TLN2: variants seen among roughly 807,000 people sequenced by gnomAD.
TLN2 encodes the protein talin 2.
A neutral mutation model predicts 294.7 loss-of-function variants in TLN2; 118 were observed. The observed-to-expected ratio is 0.40, with a 90% CI of 0.34 to 0.47. TLN2 has a LOEUF of 0.47. Ranked by LOEUF, TLN2 falls within the 20% of genes least tolerant of loss-of-function variation. The probability of loss-of-function intolerance (pLI) is 0.84; values close to 1 mark genes in which losing one functional copy is unlikely to be tolerated. For missense variants in TLN2, 3,083 were observed against 3,282.2 expected (o/e 0.94, Z 1.48); for synonymous variants, 1,431 against 1,304.5 (o/e 1.10, Z -2.09).
intron 37 of TLN2, among the ~76,000 whole-genome samples, chr15:62,757,855 A>G (rs12912040): frequency 0.74 from 112,968 of 152,034 alleles, 42,573 homozygotes; most frequent in Admixed American, 0.83. Flanking sequence ...AATTCCCATC[A>G]TGTGGCAGGG....
At chr15:62,409,355 C>A (rs2140250471) in intron 1 of TLN2, among the ~76,000 whole-genome samples, 1 of 152,226 alleles carries the variant, frequency 6.6e-6, no homozygotes, top group East Asian at 1.9e-4. Context: ...CTGCTTTTTA[C>A]CAGAAGCCAG....
At chr15:62,621,033 G>A (rs2048777554) in intron 3 of TLN2, among the ~76,000 whole-genome samples, 1 of 150,792 alleles carries the variant, frequency 6.6e-6, no homozygotes, top group Non-Finnish European at 1.5e-5. Context: ...TAGAGACGGG[G>A]TTTCACCATG....
intron 21 of TLN2, 138 bp from the exon 22 acceptor site, chr15:62,711,773 T>C: frequency 1.1e-6 from 1 of 921,260 alleles, no homozygotes; most frequent in Non-Finnish European, 1.5e-6. Flanking sequence ...GATGCATGGC[T>C]TAGGACTAGA....
chr15:62,725,927 C>G (rs2060415590), intron 27 of TLN2, among the ~76,000 whole-genome samples: 1 of 152,146 alleles, frequency 6.6e-6, no homozygotes, highest in African/African-American at 2.4e-5. Flanking sequence ...AGAACAATGC[C>G]TGGTACATAG....
chr15:62,812,553 TA>T (rs1483366246), intron 52 of TLN2, among the ~76,000 whole-genome samples: 1 of 152,164 alleles, frequency 6.6e-6, no homozygotes, highest in Non-Finnish European at 1.5e-5. Flanking sequence ...TCTTTCTTCG[TA>T]AGGAAGGGCA....
chr15:62,830,840 G>A (rs2068753716), intron 54 of TLN2: 1 of 152,074 alleles, frequency 6.6e-6, no homozygotes, highest in African/African-American at 2.4e-5. Context: ...GCCTTTCTAG[G>A]GAGAATCTTA....
At chr15:62,549,947 G>A (rs1278360224) in intron 1 of TLN2, among the ~76,000 whole-genome samples, 1 of 152,124 alleles carries the variant, frequency 6.6e-6, no homozygotes, top group Non-Finnish European at 1.5e-5. Flanking sequence ...CTGATCAATC[G>A]ATTGGGAATG....
chr15:62,800,795 TG>T, intron 50 of TLN2, 26 bp downstream of exon 50: 3 of 1,574,818 alleles, frequency 1.9e-6, no homozygotes, highest in Non-Finnish European at 1.7e-6. Flanking sequence ...TTACCTCCCT[TG>T]GGTACCAGAG....
intron 32 of TLN2, among the ~76,000 whole-genome samples, chr15:62,743,204 A>T (rs1309152824): frequency 1.3e-5 from 2 of 152,228 alleles, no homozygotes; most frequent in East Asian, 3.9e-4. Flanking sequence ...CTCAGTCCTC[A>T]GTCCTCTGTC....
rs553907562 is a variant in TLN2 at position 62,804,610 on chromosome 15, C to T, written c.6478-990C>T. On this transcript the variant is annotated intron_variant, in intron 50 of 58. Coordinates refer to ENST00000636159, the MANE Select transcript of TLN2 (RefSeq NM_015059.3). ...CCAGATCGTGGGTTTCCATGTAGCG[C>T]GTGCCATGAGGGCCTCATTAGTGTG... Among the ~76,000 whole-genome samples, 93 of 152,182 alleles carry T rather than the reference C, an allele frequency of 6.1e-4. 1 individual carries two copies. The East Asian group carries it at 0.015, about 24-fold the overall frequency.
rs371383931 is a variant in TLN2, at chr15:62,399,136, C to T, written c.-238+8451C>T. On this transcript the variant is annotated intron_variant, in intron 1 of 58. Coordinates refer to ENST00000636159, the MANE Select transcript of TLN2 (RefSeq NM_015059.3). ...TTCCAGTTGATGTTGGTCCTGCAGGCGTGCAGAAGACAAGAATTGAGGTTT... is the reference window on the plus strand; with the variant it reads ...TTCCAGTTGATGTTGGTCCTGCAGGTGTGCAGAAGACAAGAATTGAGGTTT... 4.2e-4 allele frequency among the ~76,000 whole-genome samples: 64 copies of T among 151,936 alleles called. 1 individual carries two copies. Among genetic ancestry groups the T allele is most frequent in the Middle Eastern group, 3.4e-3 (1 of 294 alleles).
At chr15:62,713,398 G>C (rs918795370) in intron 22 of TLN2, among the ~76,000 whole-genome samples, 3 of 151,976 alleles carry the variant, frequency 2.0e-5, no homozygotes, top group Admixed American at 2.0e-4. Flanking sequence ...TGTATTGTGG[G>C]CTGGGCATGG....
chr15:62,500,020 G>A (rs1290569871), intron 1 of TLN2, among the ~76,000 whole-genome samples: 1 of 152,082 alleles, frequency 6.6e-6, no homozygotes, highest in Non-Finnish European at 1.5e-5. Context: ...CAGATGGTGG[G>A]CGTTGGTGGT....
Position 62,566,942 on chromosome 15 carries a change from A to T in TLN2, c.-237-22745A>T, listed in dbSNP as rs796811050. On this transcript the variant is annotated intron_variant, in intron 1 of 58. Coordinates refer to ENST00000636159, the MANE Select transcript of TLN2 (RefSeq NM_015059.3). ...AAAATATATACAGAATTAGAAAGTAAAAGCAAAATACCCATAGCCCCCACC... is the reference window on the plus strand; with the variant it reads ...AAAATATATACAGAATTAGAAAGTATAAGCAAAATACCCATAGCCCCCACC... 1.4e-4 allele frequency among the ~76,000 whole-genome samples: 22 copies of T among 152,278 alleles called. 1 individual carries two copies. The highest frequency in any genetic ancestry group is 5.3e-4 in the African/African-American group (22 of 41,554).
Position 62,686,529 on chromosome 15 carries a change from C to CA in TLN2, c.958-112_958-111insA, listed in dbSNP as rs200609823. ...AAATCTTGGTTTCCCTATAGCCCTA[C>CA]CTGTTTTGAAAGACAGTGTATGCAG... On this transcript the variant is annotated intron_variant, in intron 11 of 58. Transcript: ENST00000636159. 12,001 of 1,309,258 alleles carry CA rather than the reference C, an allele frequency of 9.2e-3. 596 individuals carry two copies. The African/African-American group carries it at 0.11, about 12-fold the overall frequency. The allele number at this position is 1,309,258 out of a possible 1,614,324, so 81.1% of individuals were successfully genotyped here.
At chr15:62,738,151 A>G in intron 29 of TLN2, 63 bp from the exon 30 acceptor site, 6 of 1,588,058 alleles carry the variant, frequency 3.8e-6, no homozygotes, top group Non-Finnish European at 5.1e-6. Context: ...TTCACTGCCC[A>G]TTCCCAACAA....
At chr15:62,532,982 G>A (rs1044861689) in intron 1 of TLN2, among the ~76,000 whole-genome samples, 1 of 152,038 alleles carries the variant, frequency 6.6e-6, no homozygotes, top group Admixed American at 6.6e-5. Flanking sequence ...GGCTGGGCGC[G>A]ATGGCTCACA....
chr15:62,600,460 A>G (rs2046899762), intron 2 of TLN2, among the ~76,000 whole-genome samples: 1 of 152,124 alleles, frequency 6.6e-6, no homozygotes, highest in Admixed American at 6.5e-5. Context: ...GCCTGCTGCT[A>G]AGCAGTTGGC....
chr15:62,591,520 G>A (rs1261544372), intron 2 of TLN2, among the ~76,000 whole-genome samples: 1 of 152,204 alleles, frequency 6.6e-6, no homozygotes, highest in African/African-American at 2.4e-5. Context: ...TGGCCCATTT[G>A]TGCGAACATC....
Sources: gnomAD v4.1 joint callset for allele counts (sites outside exome capture counted in the v4.1 genomes callset) on GRCh38, gnomAD v4.1.1 for gene constraint, MANE v1.5 for transcripts, NCBI Gene and HGNC (gene_info 2026-07-23, HGNC 2026-07-21) for gene names.